The following CAMK4 variants were observed in gnomAD, a reference collection of about 807,000 sequenced individuals.
CAMK4 encodes calcium/calmodulin-dependent protein kinase type IV.
In CAMK4, 22 loss-of-function variants were observed where a neutral mutation model predicts 44.9. That is an observed-to-expected ratio of 0.49 (90% CI 0.35 to 0.70). The LOEUF (loss-of-function observed/expected upper bound fraction) is 0.70, where lower values mean the gene tolerates loss of function less well. Ranked by LOEUF, CAMK4 falls within the 30% of genes least tolerant of loss-of-function variation. CAMK4 has a pLI of 0.01. For missense variants in CAMK4, 498 were observed against 586.8 expected, an observed-to-expected ratio of 0.85 and a Z score of 1.56; for synonymous variants, 218 against 215.4, an observed-to-expected ratio of 1.01 and a Z score of -0.11.
intron 2 of CAMK4, 36 bp downstream of exon 2, chr5:111,344,138 G>T (rs1258428305): frequency 2.4e-6 from 3 of 1,260,122 alleles, no homozygotes; most frequent in Non-Finnish European, 3.5e-6. Flanking sequence ...ATCTCTAAGG[G>T]GCCTGTGACC....
chr5:111,291,383 A>G (rs1314134089), intron 1 of CAMK4, among the ~76,000 whole-genome samples: 2 of 152,192 alleles, frequency 1.3e-5, no homozygotes, highest in Admixed American at 1.3e-4. Context: ...TTCTCTCTTG[A>G]TATCTATAGA....
Position 111,484,578 on chromosome 5 carries a change from C to A in CAMK4, c.*112C>A. 1 of 596,772 alleles carries A rather than the reference C, an allele frequency of 1.7e-6. No homozygotes were observed. The highest frequency in any genetic ancestry group is 2.6e-6 in the Non-Finnish European group (1 of 381,722). 37.0% of individuals were successfully genotyped at this position (596,772 alleles called of 1,614,324 possible). ...CTATAGTGATTCTGTTTTTGAGGTG[C>A]AAAAAACATACATATATACCAGTTG... On this transcript the variant is annotated 3_prime_UTR_variant, in exon 11 of 11. Coordinates refer to ENST00000282356, the MANE Select transcript of CAMK4 (RefSeq NM_001744.6). The surrounding 1 kb of genome is among the most constrained non-coding windows in gnomAD (Gnocchi z 5.3).
chr5:111,391,940 G>A (rs1191479384), intron 4 of CAMK4, among the ~76,000 whole-genome samples: 1 of 152,134 alleles, frequency 6.6e-6, no homozygotes, highest in African/African-American at 2.4e-5. Flanking sequence ...GAAGAAAATT[G>A]TCACCTACTT....
At chr5:111,367,381 G>T (rs1371837062) in intron 2 of CAMK4, among the ~76,000 whole-genome samples, 1 of 151,634 alleles carries the variant, frequency 6.6e-6, no homozygotes, top group African/African-American at 2.4e-5. Flanking sequence ...TCTCCTAAAG[G>T]CCCTACCTCT....
intron 1 of CAMK4, among the ~76,000 whole-genome samples, chr5:111,280,664 C>A (rs1580524740): frequency 6.6e-6 from 1 of 152,196 alleles, no homozygotes; most frequent in East Asian, 1.9e-4. Flanking sequence ...TTTGCTGAGA[C>A]ACGTGCAGCC....
At chr5:111,258,958 C>T (rs1456989395) in intron 1 of CAMK4, among the ~76,000 whole-genome samples, 2 of 152,126 alleles carry the variant, frequency 1.3e-5, no homozygotes, top group African/African-American at 4.8e-5. Context: ...TCTCAACATA[C>T]GGTATGAAAT....
At chr5:111,287,638 T>C (rs945727082) in intron 1 of CAMK4, among the ~76,000 whole-genome samples, 5 of 152,224 alleles carry the variant, frequency 3.3e-5, no homozygotes, top group African/African-American at 4.8e-5. Context: ...TTTAATACTT[T>C]AAAAAGTGTT....
chr5:111,467,079 A>G (rs890901327), intron 7 of CAMK4, among the ~76,000 whole-genome samples: 3 of 152,098 alleles, frequency 2.0e-5, no homozygotes, highest in African/African-American at 7.2e-5. Flanking sequence ...ACAAAAACAA[A>G]GCGGGGAAAG....
chr5:111,256,561 A>G lies in CAMK4; in HGVS notation c.161+31917A>G, dbSNP rs74792791. Among the ~76,000 whole-genome samples the G allele has an allele frequency of 4.4e-3, 671 of 152,312 alleles. 5 individuals carry two copies. The highest frequency in any genetic ancestry group is 0.015 in the African/African-American group (633 of 41,562). Reference sequence around the variant, plus strand: ...TTCTTGTGAATCTAGAATTATTTCAAAATATTTTATTTGAAATGGGCCAAT... The same window carrying G: ...TTCTTGTGAATCTAGAATTATTTCAGAATATTTTATTTGAAATGGGCCAAT... On this transcript the variant is annotated intron_variant, in intron 1 of 10. Transcript: ENST00000282356.
intron 5 of CAMK4, among the ~76,000 whole-genome samples, chr5:111,443,279 TACACACACACACACAC>T (rs60644060): frequency 3.7e-4 from 14 of 37,474 alleles, no homozygotes; most frequent in East Asian, 1.5e-3. Flanking sequence ...TATATATATA[TACACACACACACACAC>T]ACACACACAC....
intron 1 of CAMK4, among the ~76,000 whole-genome samples, chr5:111,283,662 A>C (rs1389094370): frequency 6.6e-6 from 1 of 152,218 alleles, no homozygotes; most frequent in Non-Finnish European, 1.5e-5. Context: ...GTTGCATGCA[A>C]TCTTACAGGG....
At chr5:111,476,478 C>T (rs1457577282) in intron 8 of CAMK4, among the ~76,000 whole-genome samples, 1 of 151,926 alleles carries the variant, frequency 6.6e-6, no homozygotes, top group Non-Finnish European at 1.5e-5. Context: ...GGGGTTTCAC[C>T]ATGCTGGCCA....
chr5:111,464,901 G>C (rs569009261), intron 7 of CAMK4, among the ~76,000 whole-genome samples: 1 of 152,258 alleles, frequency 6.6e-6, no homozygotes, highest in East Asian at 1.9e-4. Context: ...CTTAACAGGA[G>C]TCTTCCTTCT....
chr5:111,488,064 T>C lies in CAMK4; in HGVS notation c.*3598T>C, dbSNP rs1055362670. 1 of 152,206 alleles carries C rather than the reference T, an allele frequency of 6.6e-6. No individual in the cohort carries two copies. Among genetic ancestry groups the C allele is most frequent in the Non-Finnish European group, 1.5e-5 (1 of 68,038 alleles). The allele number at this position is 152,206 out of a possible 1,614,324, so 9.4% of individuals were successfully genotyped here. On this transcript the variant is annotated 3_prime_UTR_variant, in exon 11 of 11. Coordinates refer to ENST00000282356, the MANE Select transcript of CAMK4 (RefSeq NM_001744.6). ...CTCCTGAGTACTGCCATGATGCCAA[T>C]AGCATTCTTGCTTACCAAAATCTAC...
chr5:111,376,991 C>A, intron 4 of CAMK4, 49 bp downstream of exon 4: 2 of 1,167,722 alleles, frequency 1.7e-6, no homozygotes, highest in Non-Finnish European at 2.5e-6. Context: ...CTTTTGGCCA[C>A]CAAAAAATAA....
chr5:111,335,103 A>T (rs1375942999), intron 1 of CAMK4, among the ~76,000 whole-genome samples: 1 of 151,520 alleles, frequency 6.6e-6, no homozygotes, highest in African/African-American at 2.4e-5. Flanking sequence ...GTGATAAGAG[A>T]TTCCATATCT....
At chr5:111,412,308 C>G (rs1424139927) in intron 5 of CAMK4, among the ~76,000 whole-genome samples, 1 of 152,094 alleles carries the variant, frequency 6.6e-6, no homozygotes, top group African/African-American at 2.4e-5. Flanking sequence ...AGACAGTAGT[C>G]AAGGATATAA....
intron 4 of CAMK4, among the ~76,000 whole-genome samples, chr5:111,382,977 GAA>G (rs1347880790): frequency 6.6e-6 from 1 of 152,158 alleles, no homozygotes; most frequent in Non-Finnish European, 1.5e-5. Flanking sequence ...TATATGTAAA[GAA>G]AACTTATACT....
At chr5:111,228,153 A>T (rs145730020) in intron 1 of CAMK4, among the ~76,000 whole-genome samples, 346 of 152,342 alleles carry the variant, frequency 2.3e-3, no homozygotes, top group Non-Finnish European at 3.9e-3. Context: ...GAAAGAAAAG[A>T]TGATAAGAAA....
Sources: gnomAD v4.1 joint callset for allele counts (sites outside exome capture counted in the v4.1 genomes callset) on GRCh38, gnomAD v4.1.1 for gene constraint, Gnocchi (gnomAD v3.1) non-coding constraint, MANE v1.5 for transcripts, NCBI Gene and HGNC (gene_info 2026-07-23, HGNC 2026-07-21) for gene names.